The following TMEM182 variants were observed in gnomAD, a reference collection of about 807,000 sequenced individuals.
TMEM182 encodes the protein transmembrane protein 182.
In TMEM182, 20 loss-of-function variants were observed where a neutral mutation model predicts 26.8. The ratio of observed to expected loss-of-function variants is 0.75; its 90% confidence interval spans 0.53 to 1.09. The LOEUF (loss-of-function observed/expected upper bound fraction) is 1.09. Ranked by LOEUF, TMEM182 falls within the 50% of genes least tolerant of loss-of-function variation. The pLI is 0.00. For synonymous variants in TMEM182, 109 were observed against 102.2 expected, an observed-to-expected ratio of 1.07 and a Z score of -0.40; for missense variants, 277 against 275.5, an observed-to-expected ratio of 1.01 and a Z score of -0.04.
At chr2:102,824,384 A>C (rs1047663391) in intron 3 of TMEM182, among the ~76,000 whole-genome samples, 13 of 152,132 alleles carry the variant, frequency 8.5e-5, no homozygotes, top group African/African-American at 3.1e-4. Context: ...CCAGTGTTGG[A>C]GGAGGAGTCT....
chr2:102,750,260 TA>T (rs1679839528), intron 1 of TMEM182, among the ~76,000 whole-genome samples: 1 of 151,962 alleles, frequency 6.6e-6, no homozygotes, highest in African/African-American at 2.4e-5. Context: ...ATTCAGTGTT[TA>T]AAAAAAAGTG....
At position 102,815,144 on chromosome 2, in the gene TMEM182, C is replaced by T. The variant is rs1682699132; in HGVS notation, c.*176C>T. On this transcript the variant is annotated 3_prime_UTR_variant, in exon 5 of 5. Coordinates refer to ENST00000412401, the MANE Select transcript of TMEM182 (RefSeq NM_144632.5). The stretch of plus-strand genomic sequence containing the variant: ...AAGAAGGTCCTAGAATCTCTCCAGA[C>T]ACCAGCAAGCCTCTATCTTGTCTAA... The T allele has an allele frequency of 1.4e-6, 2 of 1,422,318 alleles. No homozygotes were observed. The highest frequency in any genetic ancestry group is 5.8e-5 in the Admixed American group (2 of 34,248). 88.1% of individuals were successfully genotyped at this position (1,422,318 alleles called of 1,614,324 possible). A position where few individuals can be genotyped will look rare whatever the true frequency, so the allele number is the denominator to read the frequency against.
chr2:102,799,678 T>A (rs990305766), intron 4 of TMEM182, among the ~76,000 whole-genome samples: 6 of 152,224 alleles, frequency 3.9e-5, no homozygotes, highest in Non-Finnish European at 8.8e-5. Flanking sequence ...CAGCACGCCT[T>A]CCTTCTGGGT....
chr2:102,816,533 A>C lies in TMEM182; in HGVS notation c.*1565A>C. 2.1e-6 allele frequency: 2 copies of C among 963,618 alleles called. No individual in the cohort carries two copies. The highest frequency in any genetic ancestry group is 2.5e-6 in the Non-Finnish European group (2 of 811,898). The allele number at this position is 963,618 out of a possible 1,614,324, so 59.7% of individuals were successfully genotyped here. A position where few individuals can be genotyped will look rare whatever the true frequency, so the allele number is the denominator to read the frequency against. ...GCCAATAATAATAATAATAATAATA[A>C]TAATAATAATAATAAAGCTCCAGAG... On this transcript the variant is annotated 3_prime_UTR_variant, in exon 5 of 5. Coordinates refer to ENST00000412401, the MANE Select transcript of TMEM182 (RefSeq NM_144632.5).
intron 3 of TMEM182, among the ~76,000 whole-genome samples, chr2:102,779,928 A>G (rs1419871579): frequency 6.6e-6 from 1 of 152,184 alleles, no homozygotes; most frequent in Non-Finnish European, 1.5e-5. Context: ...GCCTGAACCC[A>G]GGAGGCGGAG....
intron 3 of TMEM182, among the ~76,000 whole-genome samples, chr2:102,840,066 T>C (rs948174161): frequency 1.3e-4 from 19 of 151,906 alleles, no homozygotes; most frequent in Non-Finnish European, 1.8e-4. Context: ...GAAACCAACA[T>C]CCCCCAAATC....
chr2:102,808,972 T>C (rs1682448766), intron 4 of TMEM182, among the ~76,000 whole-genome samples: 1 of 152,208 alleles, frequency 6.6e-6, no homozygotes, highest in African/African-American at 2.4e-5. Flanking sequence ...TTTTAATTGG[T>C]TGTGGCTACA....
chr2:102,818,151 G>C (rs148841877), downstream of TMEM182, among the ~76,000 whole-genome samples: 34 of 152,246 alleles, frequency 2.2e-4, no homozygotes, highest in Admixed American at 1.0e-3. Context: ...AACCAGATTT[G>C]ATTTTTTTGG....
At chr2:102,792,520 T>C (rs548088348) in intron 3 of TMEM182, among the ~76,000 whole-genome samples, 10 of 152,348 alleles carry the variant, frequency 6.6e-5, no homozygotes, top group African/African-American at 2.4e-4. Context: ...AGAGAGTGCA[T>C]GAACTCTATG....
chr2:102,764,183 TCA>T (rs1347304848), intron 2 of TMEM182, 144 bp from the exon 3 acceptor site: 2 of 731,980 alleles, frequency 2.7e-6, no homozygotes, highest in Non-Finnish European at 4.5e-6. Context: ...GCCTTCCTCC[TCA>T]CAACAATTCG....
chr2:102,800,588 T>C (rs1421377376), intron 4 of TMEM182, among the ~76,000 whole-genome samples: 1 of 152,222 alleles, frequency 6.6e-6, no homozygotes, highest in African/African-American at 2.4e-5. Context: ...GTACACATTT[T>C]TCTATGGTCT....
downstream of TMEM182, among the ~76,000 whole-genome samples, chr2:102,819,987 A>G (rs1043955273): frequency 2.0e-5 from 3 of 152,222 alleles, no homozygotes; most frequent in African/African-American, 2.4e-5. Context: ...CTGCACACCA[A>G]CTGGCAATCG....
chr2:102,815,930 A>C lies in TMEM182; in HGVS notation c.*962A>C. On this transcript the variant is annotated 3_prime_UTR_variant, in exon 5 of 5. Coordinates refer to ENST00000412401, the MANE Select transcript of TMEM182 (RefSeq NM_144632.5). Reference sequence around the variant, plus strand: ...GCCCTGCTTTATTAAAGACCATAAAATATTAACTTTCCCCAAGATGTTATG... The same window carrying C: ...GCCCTGCTTTATTAAAGACCATAAACTATTAACTTTCCCCAAGATGTTATG... 1 of 978,132 alleles carries C rather than the reference A, an allele frequency of 1.0e-6. No individual in the cohort carries two copies. The highest frequency in any genetic ancestry group is 1.7e-5 in the African/African-American group (1 of 57,174). 60.6% of individuals were successfully genotyped at this position (978,132 alleles called of 1,614,324 possible).
intron 3 of TMEM182, among the ~76,000 whole-genome samples, chr2:102,785,431 T>C (rs541548555): frequency 2.4e-4 from 37 of 152,204 alleles, no homozygotes; most frequent in Admixed American, 1.0e-3. Flanking sequence ...CATCTAATTG[T>C]ATATTTCTTT....
downstream of TMEM182, among the ~76,000 whole-genome samples, chr2:102,819,759 T>C (rs1231073686): frequency 1.3e-5 from 2 of 152,218 alleles, no homozygotes; most frequent in African/African-American, 4.8e-5. Context: ...GTCTCAGGCA[T>C]TCCCAAACTC....
chr2:102,745,989 T>C (rs1447598602), intron 1 of TMEM182, among the ~76,000 whole-genome samples: 1 of 152,240 alleles, frequency 6.6e-6, no homozygotes, highest in Non-Finnish European at 1.5e-5. Context: ...ATGGTACCTC[T>C]ATGTTTAAAC....
chr2:102,819,268 A>C (rs537388987), downstream of TMEM182, among the ~76,000 whole-genome samples: 8 of 152,344 alleles, frequency 5.3e-5, no homozygotes, highest in South Asian at 1.2e-3. Context: ...AGATATTTAA[A>C]CAACAAATAC....
chr2:102,789,588 G>A (rs999774344), intron 3 of TMEM182, among the ~76,000 whole-genome samples: 4 of 152,168 alleles, frequency 2.6e-5, no homozygotes, highest in Non-Finnish European at 4.4e-5. Context: ...TTAGCTCTGG[G>A]TCAGTCTTTT....
At chr2:102,811,388 G>T (rs1270327182) in intron 4 of TMEM182, among the ~76,000 whole-genome samples, 5 of 152,130 alleles carry the variant, frequency 3.3e-5, no homozygotes, top group African/African-American at 1.2e-4. Context: ...GGCAATATTT[G>T]CTGGGTTTCT....
Sources: allele counts gnomAD v4.1 joint callset (sites outside exome capture counted in the v4.1 genomes callset), GRCh38; gene constraint gnomAD v4.1.1; transcripts MANE v1.5; gene names NCBI Gene and HGNC (gene_info 2026-07-23, HGNC 2026-07-21).